NELL2: variants seen among roughly 807,000 people sequenced by gnomAD.
NELL2 encodes neural EGFL like 2, also known as protein kinase C-binding protein NELL2.
Under a neutral mutation model 109.6 loss-of-function variants are expected in NELL2, and 41 were observed. The observed-to-expected ratio is 0.37, with a 90% confidence interval of 0.29 to 0.49. The LOEUF is 0.49. Ranked by LOEUF, NELL2 falls within the 20% of genes least tolerant of loss-of-function variation. NELL2 has a pLI of 0.98. For missense variants in NELL2, 900 were observed against 1,008.3 expected, an observed-to-expected ratio of 0.89 and a Z score of 1.45; for synonymous variants, 355 against 344.7, an observed-to-expected ratio of 1.03 and a Z score of -0.33.
intron 15 of NELL2, among the ~76,000 whole-genome samples, chr12:44,543,613 A>G (rs1942669944): frequency 6.6e-6 from 1 of 152,198 alleles, no homozygotes; most frequent in Non-Finnish European, 1.5e-5. Flanking sequence ...ATTTCCCAAA[A>G]GCCCTTTCCC....
At chr12:44,655,739 G>A (rs1291014948) in intron 13 of NELL2, among the ~76,000 whole-genome samples, 1 of 151,878 alleles carries the variant, frequency 6.6e-6, no homozygotes, top group Admixed American at 6.6e-5. Context: ...GAGTCCTAGG[G>A]CCTGGTATTT....
chr12:44,617,971 C>G (rs112702229), intron 13 of NELL2, among the ~76,000 whole-genome samples: 1 of 151,944 alleles, frequency 6.6e-6, no homozygotes, highest in Non-Finnish European at 1.5e-5. Flanking sequence ...TTCCAAAACC[C>G]CACTACTTTC....
chr12:44,534,697 G>C (rs919476277), intron 15 of NELL2, among the ~76,000 whole-genome samples: 1 of 152,098 alleles, frequency 6.6e-6, no homozygotes, highest in African/African-American at 2.4e-5. Context: ...AAAGAAAACA[G>C]GTTGGAATTT....
intron 2 of NELL2, among the ~76,000 whole-genome samples, chr12:44,873,464 T>G (rs181819344): frequency 6.6e-6 from 1 of 152,086 alleles, no homozygotes; most frequent in East Asian, 1.9e-4. Context: ...TTCCTAAAAA[T>G]GGTTTAATTT....
chr12:44,870,900 T>C (rs1945141443), intron 2 of NELL2, among the ~76,000 whole-genome samples: 1 of 152,208 alleles, frequency 6.6e-6, no homozygotes, highest in Non-Finnish European at 1.5e-5. Context: ...TGAACATCTA[T>C]GCAGGACCAT....
intron 12 of NELL2, among the ~76,000 whole-genome samples, 159 bp from the exon 13 acceptor site, chr12:44,665,768 T>C (rs1947905667): frequency 6.6e-6 from 1 of 152,232 alleles, no homozygotes. Context: ...AATGTTCAAA[T>C]GACAAAAATC....
intron 13 of NELL2, among the ~76,000 whole-genome samples, chr12:44,649,240 T>TCTGC (rs941916321): frequency 1.3e-5 from 2 of 151,076 alleles, no homozygotes; most frequent in Non-Finnish European, 3.0e-5. Flanking sequence ...CTCCTTCTTG[T>TCTGC]CTGCCTGCCT....
chr12:44,590,392 G>A (rs915180743), intron 15 of NELL2, among the ~76,000 whole-genome samples: 1 of 152,118 alleles, frequency 6.6e-6, no homozygotes, highest in Admixed American at 6.5e-5. Context: ...CAGGTATATA[G>A]TTTTCAAAAT....
intron 11 of NELL2, 123 bp downstream of exon 11, chr12:44,711,169 T>C: frequency 3.0e-6 from 2 of 673,856 alleles, no homozygotes; most frequent in East Asian, 2.8e-5. Flanking sequence ...TAGGAGAGCA[T>C]ATAGGGAAAT....
At chr12:44,638,324 C>T (rs1339529654) in intron 13 of NELL2, among the ~76,000 whole-genome samples, 1 of 152,100 alleles carries the variant, frequency 6.6e-6, no homozygotes, top group Non-Finnish European at 1.5e-5. Context: ...TAACAAATGT[C>T]TCATATCATA....
intron 11 of NELL2, 41 bp downstream of exon 11, chr12:44,711,251 T>C (rs753494814): frequency 2.1e-6 from 3 of 1,418,924 alleles, no homozygotes. Flanking sequence ...CCTACTATAA[T>C]AACTCTTGCA....
intron 13 of NELL2, among the ~76,000 whole-genome samples, chr12:44,644,227 C>T (rs980011630): frequency 6.6e-6 from 1 of 152,028 alleles, no homozygotes; most frequent in Non-Finnish European, 1.5e-5. Context: ...ACAAAATAGG[C>T]TTGCTTTTGT....
intron 9 of NELL2, among the ~76,000 whole-genome samples, chr12:44,767,478 T>C (rs1176692222): frequency 3.3e-5 from 5 of 152,070 alleles, no homozygotes; most frequent in Non-Finnish European, 7.4e-5. Context: ...AAGCTGGCAA[T>C]ATTAAAAGTG....
intron 3 of NELL2, among the ~76,000 whole-genome samples, chr12:44,783,950 A>AT (rs1238837554): frequency 9.9e-5 from 15 of 152,132 alleles, no homozygotes; most frequent in Non-Finnish European, 2.2e-4. Flanking sequence ...ATAATTCAGC[A>AT]ATATATAAAA....
intron 15 of NELL2, among the ~76,000 whole-genome samples, chr12:44,562,960 T>C (rs188146406): frequency 3.0e-4 from 45 of 152,308 alleles, no homozygotes; most frequent in African/African-American, 1.0e-3. Context: ...ATGTGGCACA[T>C]ATATACCACT....
chr12:44,545,462 T>A (rs1362712726), intron 15 of NELL2, among the ~76,000 whole-genome samples: 2 of 152,086 alleles, frequency 1.3e-5, no homozygotes, highest in Non-Finnish European at 2.9e-5. Flanking sequence ...GGAAATATAT[T>A]CAAGAGTTCA....
chr12:44,875,564 C>T (rs2710427), intron 1 of NELL2: 3 of 1,613,854 alleles, frequency 1.9e-6, no homozygotes, highest in Non-Finnish European at 2.5e-6. Context: ...TCCATGACCT[C>T]CTTTAAACCC....
At chr12:44,636,398 A>T (rs1334138686) in intron 13 of NELL2, among the ~76,000 whole-genome samples, 1 of 152,194 alleles carries the variant, frequency 6.6e-6, no homozygotes, top group Non-Finnish European at 1.5e-5. Context: ...TTGCCCATTC[A>T]GTATGATATT....
At chr12:44,804,564 C>T (rs913123304) in intron 3 of NELL2, among the ~76,000 whole-genome samples, 1 of 151,728 alleles carries the variant, frequency 6.6e-6, no homozygotes, top group Non-Finnish European at 1.5e-5. Flanking sequence ...AATTCTATTT[C>T]CTGAATAGTA....
Sources: gnomAD v4.1 joint callset for allele counts (sites outside exome capture counted in the v4.1 genomes callset) on GRCh38, gnomAD v4.1.1 for gene constraint, MANE v1.5 for transcripts, NCBI Gene and HGNC (gene_info 2026-07-23, HGNC 2026-07-21) for gene names.